PALS2: variants seen among roughly 807,000 people sequenced by gnomAD.
The protein encoded by PALS2 is protein PALS2.
A neutral mutation model predicts 61.6 loss-of-function variants in PALS2; 27 were observed. The observed-to-expected ratio is 0.44, with a 90% confidence interval of 0.32 to 0.60. The LOEUF is 0.60. Among genes scored for constraint, PALS2 ranks in the 20% least tolerant of loss-of-function variants. The probability of loss-of-function intolerance (pLI) is 0.05; values close to 1 mark genes in which losing one functional copy is unlikely to be tolerated. For synonymous variants in PALS2, 236 were observed against 218.6 expected (o/e 1.08, Z -0.70); for missense variants, 554 against 639.4 (o/e 0.87, Z 1.44).
intron 1 of PALS2, among the ~76,000 whole-genome samples, chr7:24,595,132 G>T (rs144416645): frequency 6.6e-6 from 1 of 151,788 alleles, no homozygotes; most frequent in Admixed American, 6.6e-5. Context: ...AGAGAAAATG[G>T]GATAGTATTT....
intron 8 of PALS2, chr7:24,666,756 A>G (rs1033424796): frequency 6.6e-6 from 1 of 152,288 alleles, no homozygotes; most frequent in African/African-American, 2.4e-5. Context: ...ATTTTTAAAA[A>G]CAATGTAAAA....
chr7:24,660,719 A>C (rs1786673780), intron 5 of PALS2, among the ~76,000 whole-genome samples: 1 of 151,950 alleles, frequency 6.6e-6, no homozygotes, highest in Non-Finnish European at 1.5e-5. Context: ...TGCATAACAT[A>C]GCTGTTGAAT....
At chr7:24,670,381 T>A (rs954708822) in intron 9 of PALS2, among the ~76,000 whole-genome samples, 2 of 152,102 alleles carry the variant, frequency 1.3e-5, no homozygotes, top group Non-Finnish European at 1.5e-5. Context: ...CCTCTGTCTT[T>A]CTGCTTCAAT....
chr7:24,684,068 G>C (rs549474726), intron 11 of PALS2, among the ~76,000 whole-genome samples: 1 of 152,068 alleles, frequency 6.6e-6, no homozygotes, highest in South Asian at 2.1e-4. Context: ...AGGTCTTTCT[G>C]TCTTTAGAGT....
intron 5 of PALS2, among the ~76,000 whole-genome samples, chr7:24,660,457 A>C (rs1390344508): frequency 2.0e-5 from 3 of 152,140 alleles, no homozygotes; most frequent in Admixed American, 1.3e-4. Context: ...TGCATAGTAC[A>C]CATGCTATTC....
intron 2 of PALS2, among the ~76,000 whole-genome samples, chr7:24,639,442 A>G (rs1232328771): frequency 6.6e-6 from 1 of 151,838 alleles, no homozygotes. Flanking sequence ...ACTACTTAGA[A>G]TATAGTATCC....
At chr7:24,589,617 A>G (rs1783206464) in intron 1 of PALS2, among the ~76,000 whole-genome samples, 1 of 152,188 alleles carries the variant, frequency 6.6e-6, no homozygotes, top group Non-Finnish European at 1.5e-5. Flanking sequence ...GCTCTGAACA[A>G]GCTAGTGTAC....
At chr7:24,587,034 T>TTTTTTTG (rs1050420241) in intron 1 of PALS2, among the ~76,000 whole-genome samples, 139 of 151,430 alleles carry the variant, frequency 9.2e-4, no homozygotes, top group African/African-American at 3.3e-3. Flanking sequence ...TAAAGGATTT[T>TTTTTTTG]TTTTTTGTTT....
rs1788575139 is a variant in PALS2 at position 24,693,617 on chromosome 7, C to A, written c.*6003C>A. 1 of 152,102 alleles carries A rather than the reference C, an allele frequency of 6.6e-6. No homozygotes were observed. The highest frequency in any genetic ancestry group is 2.1e-4 in the South Asian group (1 of 4,822). The allele number at this position is 152,102 out of a possible 1,614,324, so 9.4% of individuals were successfully genotyped here. A position where few individuals can be genotyped will look rare whatever the true frequency, so the allele number is the denominator to read the frequency against. The stretch of plus-strand genomic sequence containing the variant: ...AATGCCTCCATCTTTTCAGGTAGAA[C>A]CAGATTTCAGGCATAGCTCAGCTAC... On this transcript the variant is annotated 3_prime_UTR_variant, in exon 12 of 12. Transcript: ENST00000222644.
intron 1 of PALS2, among the ~76,000 whole-genome samples, chr7:24,581,065 T>C (rs1203165441): frequency 6.6e-6 from 1 of 152,198 alleles, no homozygotes; most frequent in Non-Finnish European, 1.5e-5. Context: ...ATCAGTATAA[T>C]TGGGCCAAAA....
At chr7:24,671,611 C>T (rs1787300123) in intron 9 of PALS2, among the ~76,000 whole-genome samples, 1 of 152,122 alleles carries the variant, frequency 6.6e-6, no homozygotes, top group African/African-American at 2.4e-5. Flanking sequence ...AAGGCTTTCC[C>T]TAACCCAAGG....
At chr7:24,668,267 A>G (rs1787131735) in intron 8 of PALS2, among the ~76,000 whole-genome samples, 1 of 152,104 alleles carries the variant, frequency 6.6e-6, no homozygotes, top group African/African-American at 2.4e-5. Context: ...CTAAGATTGC[A>G]CCACTATACT....
Position 24,607,689 on chromosome 7 carries a change from A to T in PALS2, c.-2-15977A>T, listed in dbSNP as rs546699147. On this transcript the variant is annotated intron_variant, in intron 1 of 11. Transcript: ENST00000222644. ...CACACACATATACATATGTGTGTGTATGTGTATTTGTTTTTGGATGCTGAT... is the reference window on the plus strand; with the variant it reads ...CACACACATATACATATGTGTGTGTTTGTGTATTTGTTTTTGGATGCTGAT... Among the ~76,000 whole-genome samples the T allele has an allele frequency of 2.0e-5, 3 of 151,724 alleles. No individual in the cohort carries two copies. The East Asian group carries it at 5.8e-4, about 29-fold the overall frequency.
intron 5 of PALS2, among the ~76,000 whole-genome samples, chr7:24,655,308 A>G (rs1786358554): frequency 1.3e-5 from 2 of 152,278 alleles, no homozygotes; most frequent in African/African-American, 2.4e-5. Context: ...GCATGATACT[A>G]TTTTTTTACG....
intron 1 of PALS2, among the ~76,000 whole-genome samples, chr7:24,578,715 A>G (rs1374004316): frequency 2.0e-5 from 3 of 152,228 alleles, no homozygotes; most frequent in Non-Finnish European, 4.4e-5. Context: ...AATAAACTAT[A>G]TCTCATTATT....
chr7:24,656,974 C>A (rs78015921), intron 5 of PALS2, among the ~76,000 whole-genome samples: 10,529 of 152,164 alleles, frequency 0.069, 450 homozygotes, highest in African/African-American at 0.11. Context: ...AATGGAATAC[C>A]TGTATTCTTT....
At chr7:24,656,684 G>T (rs1351480127) in intron 5 of PALS2, among the ~76,000 whole-genome samples, 2 of 151,692 alleles carry the variant, frequency 1.3e-5, no homozygotes, top group African/African-American at 2.4e-5. Context: ...CACCACACCC[G>T]GCTAATATTT....
intron 1 of PALS2, among the ~76,000 whole-genome samples, chr7:24,575,412 G>C (rs990518527): frequency 1.3e-5 from 2 of 152,004 alleles, no homozygotes; most frequent in Admixed American, 1.3e-4. Context: ...ACATTTGAGG[G>C]AGCAGTTTGC....
At chr7:24,617,296 T>C (rs1448206247) in intron 1 of PALS2, among the ~76,000 whole-genome samples, 1 of 152,222 alleles carries the variant, frequency 6.6e-6, no homozygotes, top group Non-Finnish European at 1.5e-5. Context: ...TTCCTAATTT[T>C]GTTGAATCAT....
Sources: gnomAD v4.1 joint callset for allele counts (sites outside exome capture counted in the v4.1 genomes callset) on GRCh38, gnomAD v4.1.1 for gene constraint, MANE v1.5 for transcripts, NCBI Gene and HGNC (gene_info 2026-07-23, HGNC 2026-07-21) for gene names.